Variants in TMTC1 observed in about 807,000 individuals in gnomAD.
The protein encoded by TMTC1 is protein O-mannosyl-transferase TMTC1.
TMTC1 carries 73 observed loss-of-function variants against 104.8 expected under a neutral mutation model. The observed-to-expected ratio is 0.70, with a 90% confidence interval of 0.58 to 0.85. The LOEUF (loss-of-function observed/expected upper bound fraction) is 0.85. Among genes scored for constraint, TMTC1 ranks in the 40% least tolerant of loss-of-function variants. The pLI is 0.00. For synonymous variants in TMTC1, 434 were observed against 428.7 expected (o/e 1.01, Z -0.15); for missense variants, 1,035 against 1,096.1 (o/e 0.94, Z 0.79).
intron 5 of TMTC1, among the ~76,000 whole-genome samples, chr12:29,685,930 TAAAAAA>T (rs74950953): frequency 7.7e-6 from 1 of 129,184 alleles, no homozygotes; most frequent in Admixed American, 7.8e-5. Context: ...GCAAGATTGT[TAAAAAA>T]AAAAAAAAAA....
chr12:29,653,525 C>T (rs777529844), intron 5 of TMTC1, among the ~76,000 whole-genome samples: 9 of 152,126 alleles, frequency 5.9e-5, no homozygotes, highest in Non-Finnish European at 1.0e-4. Flanking sequence ...GATAAAGATA[C>T]AATGTCTCCT....
At chr12:29,518,417 T>G (rs866334032) in intron 13 of TMTC1, 55 bp downstream of exon 13, 21 of 1,585,420 alleles carry the variant, frequency 1.3e-5, no homozygotes, top group South Asian at 6.8e-5. Flanking sequence ...AAGAAGCTGA[T>G]GAGTGATTGC....
intron 10 of TMTC1, among the ~76,000 whole-genome samples, chr12:29,542,721 T>C (rs1460866772): frequency 6.6e-6 from 1 of 151,904 alleles, no homozygotes; most frequent in Admixed American, 6.6e-5. Flanking sequence ...AAAGACAGGA[T>C]AAAGAAGACT....
intron 6 of TMTC1, among the ~76,000 whole-genome samples, chr12:29,629,213 C>T (rs568840810): frequency 5.0e-4 from 76 of 151,578 alleles, no homozygotes; most frequent in African/African-American, 1.4e-3. Context: ...CCCTGCTACA[C>T]GGGAGGCTGA....
rs371406106 is a variant in TMTC1, at chr12:29,751,701, G to A, written c.903C>T (p.Phe301=). 2 of 1,614,120 alleles carry A rather than the reference G, an allele frequency of 1.2e-6. No individual in the cohort carries two copies. The highest frequency in any genetic ancestry group is 8.5e-7 in the Non-Finnish European group (1 of 1,180,040). Residue 301 remains phenylalanine, a synonymous_variant, in exon 5 of 18, where the codon TTC becomes TTT. Coordinates refer to ENST00000539277, the MANE Select transcript of TMTC1 (RefSeq NM_001193451.2). The stretch of plus-strand genomic sequence containing the variant: ...ACCACACAGCTCGTGGGGACACTGG[G>A]AATCCACTGCTCTTGGGTTCTGGTG... ...PLPPEPKSSG[F]PVSPRAVWSM... is the part of the protein sequence containing the mutation.
Position 29,674,835 on chromosome 12 carries a change from T to C in TMTC1, c.939-41499A>G, listed in dbSNP as rs78354624. ...CCACCATGCCTCATGCCCACAGTGT[T>C]TTCTATTTTGCATAAAGATCCCCAA... On this transcript the variant is annotated intron_variant, in intron 5 of 17. Coordinates refer to ENST00000539277, the MANE Select transcript of TMTC1 (RefSeq NM_001193451.2). 3.2e-3 allele frequency among the ~76,000 whole-genome samples: 487 copies of C among 152,284 alleles called. 1 individual carries two copies. Among genetic ancestry groups the C allele is most frequent in the African/African-American group, 0.011 (472 of 41,556 alleles).
At chr12:29,532,637 CATAA>C (rs1944537124) in intron 11 of TMTC1, 1 of 135,802 alleles carries the variant, frequency 7.4e-6, no homozygotes, top group Admixed American at 8.0e-5. Flanking sequence ...GTATGGAACA[CATAA>C]ATATATTTAA....
chr12:29,706,263 A>T (rs1399624309), intron 5 of TMTC1, among the ~76,000 whole-genome samples: 1 of 152,182 alleles, frequency 6.6e-6, no homozygotes, highest in Non-Finnish European at 1.5e-5. Flanking sequence ...ATGCAGGAAG[A>T]GGAAGGTTTA....
rs1392954631 is a variant in TMTC1 at position 29,783,711 on chromosome 12, C to A, written c.41G>T (p.Arg14Leu). The A allele has an allele frequency of 8.2e-7, 1 of 1,226,666 alleles. No homozygotes were observed. Among genetic ancestry groups the A allele is most frequent in the Admixed American group, 4.4e-5 (1 of 22,690 alleles). 76.0% of individuals were successfully genotyped at this position (1,226,666 alleles called of 1,614,324 possible). ...GCAGCCCCGCCGCCGGGAGGGTGTG[C>A]GGTCCCCGCCGCCGCCTCGGGCAGA... ...TTSARGGGGD[R>L]TPSRRRGCGL... Residue 14 changes from arginine (R) to leucine (L), a missense_variant, in exon 1 of 18, where the codon CGC becomes CTC. Transcript: ENST00000539277. This position sits in a 1 kb window ranked among gnomAD's most constrained non-coding sequence, Gnocchi z 4.7.
intron 17 of TMTC1, among the ~76,000 whole-genome samples, chr12:29,509,499 A>C (rs1943775861): frequency 6.6e-6 from 1 of 152,142 alleles, no homozygotes; most frequent in African/African-American, 2.4e-5. Context: ...AGGCCTAGGA[A>C]TGGGTAACAA....
chr12:29,783,583 T>C lies in TMTC1; in HGVS notation c.169A>G (p.Ile57Val). ...GGCCGCACGTCGGGGTTGTTCACGA[T>C]CGCCCACACGTCGTCGTGCACGAAC... ...GEFVHDDVWA[I>V]VNNPDVRPGA... Residue 57 changes from isoleucine to valine, a missense_variant, in exon 1 of 18, where the codon ATC becomes GTC. Physicochemically the swap from Ile to Val is conservative, Grantham distance 29. Coordinates refer to ENST00000539277, the MANE Select transcript of TMTC1 (RefSeq NM_001193451.2). The surrounding 1 kb of genome is among the most constrained non-coding windows in gnomAD (Gnocchi z 4.7). 6.7e-7 allele frequency: 1 copy of C among 1,482,638 alleles called. No individual in the cohort carries two copies. The highest frequency in any genetic ancestry group is 8.9e-7 in the Non-Finnish European group (1 of 1,120,464). 91.8% of individuals were successfully genotyped at this position (1,482,638 alleles called of 1,614,324 possible).
Position 29,502,516 on chromosome 12 carries a change from T to C in TMTC1, c.*4330A>G, listed in dbSNP as rs1943616257. The C allele has an allele frequency of 6.6e-6, 1 of 152,048 alleles. No homozygotes were observed. Among genetic ancestry groups the C allele is most frequent in the African/African-American group, 2.4e-5 (1 of 41,372 alleles). 9.4% of individuals were successfully genotyped at this position (152,048 alleles called of 1,614,324 possible). Reference sequence around the variant, plus strand: ...GGCACTTAGTCTGGTACATGCAAATTTCAAGGCAATTCCTCTCCATCTGAG... The same window carrying C: ...GGCACTTAGTCTGGTACATGCAAATCTCAAGGCAATTCCTCTCCATCTGAG... On this transcript the variant is annotated 3_prime_UTR_variant, in exon 18 of 18. Coordinates refer to ENST00000539277, the MANE Select transcript of TMTC1 (RefSeq NM_001193451.2).
At chr12:29,520,843 G>T (rs1957541300) in intron 11 of TMTC1, 123 bp from the exon 12 acceptor site, 7 of 704,322 alleles carry the variant, frequency 9.9e-6, no homozygotes, top group Middle Eastern at 8.0e-4. Flanking sequence ...ATATACAACA[G>T]GCTACTGAGA....
chr12:29,750,637 TA>T (rs1260012594), intron 5 of TMTC1, among the ~76,000 whole-genome samples: 1 of 152,196 alleles, frequency 6.6e-6, no homozygotes, highest in Admixed American at 6.5e-5. Flanking sequence ...GAGGGAGTTT[TA>T]AGGGACTACA....
chr12:29,617,952 A>C (rs1947031474), intron 6 of TMTC1, among the ~76,000 whole-genome samples: 1 of 152,118 alleles, frequency 6.6e-6, no homozygotes, highest in Non-Finnish European at 1.5e-5. Context: ...TAAAGTAATC[A>C]CCCTGACCAC....
chr12:29,757,932 G>T (rs897771472), intron 3 of TMTC1, among the ~76,000 whole-genome samples: 2 of 152,014 alleles, frequency 1.3e-5, no homozygotes, highest in African/African-American at 4.8e-5. Context: ...CTCCCACTAG[G>T]TTCCTTCCAC....
chr12:29,747,005 A>G (rs1259294665), intron 5 of TMTC1, among the ~76,000 whole-genome samples: 1 of 152,226 alleles, frequency 6.6e-6, no homozygotes, highest in African/African-American at 2.4e-5. Context: ...TCCATAATAT[A>G]CCCTGAAGGG....
chr12:29,774,194 A>T (rs1943656754), intron 1 of TMTC1, among the ~76,000 whole-genome samples: 1 of 152,156 alleles, frequency 6.6e-6, no homozygotes, highest in Non-Finnish European at 1.5e-5. Flanking sequence ...TGTCTTAATC[A>T]TCTGGTGTGG....
At chr12:29,640,408 C>A (rs530660854) in intron 5 of TMTC1, among the ~76,000 whole-genome samples, 1 of 152,170 alleles carries the variant, frequency 6.6e-6, no homozygotes, top group South Asian at 2.1e-4. Context: ...CCAAGAGGAC[C>A]CACAGACCCT....
Sources: allele counts gnomAD v4.1 joint callset (sites outside exome capture counted in the v4.1 genomes callset), GRCh38; gene constraint gnomAD v4.1.1; non-coding constraint Gnocchi (gnomAD v3.1); transcripts MANE v1.5; gene names NCBI Gene and HGNC (gene_info 2026-07-23, HGNC 2026-07-21).